Variants in KCNIP4 observed in about 807,000 individuals in gnomAD.
The protein encoded by KCNIP4 is Kv channel-interacting protein 4.
KCNIP4 carries 12 observed loss-of-function variants against 34.0 expected under a neutral mutation model. The observed-to-expected ratio is 0.35, with a 90% CI of 0.23 to 0.57. KCNIP4 has a LOEUF of 0.57. Ranked by LOEUF, KCNIP4 falls within the 20% of genes least tolerant of loss-of-function variation. The pLI is 0.83. For synonymous variants in KCNIP4, 124 were observed against 102.2 expected, an observed-to-expected ratio of 1.21 and a Z score of -1.29; for missense variants, 238 against 311.7, an observed-to-expected ratio of 0.76 and a Z score of 1.78.
intron 1 of KCNIP4, among the ~76,000 whole-genome samples, chr4:21,737,278 C>T (rs896985274): frequency 2.0e-5 from 3 of 152,062 alleles, no homozygotes; most frequent in African/African-American, 7.2e-5. Context: ...GAAATATAGT[C>T]ACTGTTTTTC....
At chr4:21,188,244 G>T (rs1577855935) in intron 1 of KCNIP4, among the ~76,000 whole-genome samples, 1 of 152,136 alleles carries the variant, frequency 6.6e-6, no homozygotes. Flanking sequence ...GGACAGTTTT[G>T]TGCTGGAGTG....
chr4:21,558,187 C>G (rs574048945), intron 1 of KCNIP4, among the ~76,000 whole-genome samples: 101 of 152,234 alleles, frequency 6.6e-4, no homozygotes, highest in African/African-American at 2.3e-3. Context: ...AGTATTATGC[C>G]TGTTACCTTA....
chr4:21,786,479 A>G (rs139145643), intron 1 of KCNIP4, among the ~76,000 whole-genome samples: 40 of 152,126 alleles, frequency 2.6e-4, no homozygotes, highest in Non-Finnish European at 4.7e-4. Context: ...GTTTGGTTCA[A>G]TTGGTGTAGC....
chr4:21,006,711 G>T (rs948044558), intron 1 of KCNIP4, among the ~76,000 whole-genome samples: 1 of 152,164 alleles, frequency 6.6e-6, no homozygotes, highest in Non-Finnish European at 1.5e-5. Flanking sequence ...ATAGGATTTT[G>T]CCCAGGACAT....
intron 1 of KCNIP4, among the ~76,000 whole-genome samples, chr4:21,689,428 G>A (rs958045157): frequency 2.6e-5 from 4 of 152,128 alleles, no homozygotes; most frequent in Non-Finnish European, 5.9e-5. Context: ...CGATGACCCA[G>A]CTTAGAGGGG....
chr4:21,676,223 A>G (rs140691543), intron 1 of KCNIP4, among the ~76,000 whole-genome samples: 162 of 152,296 alleles, frequency 1.1e-3, no homozygotes, highest in African/African-American at 3.7e-3. Flanking sequence ...GAGAACTTCT[A>G]AAGCCCCAAA....
At position 21,835,683 on chromosome 4, in the gene KCNIP4, C is replaced by G. The variant is rs115739717; in HGVS notation, c.61+112888G>C. ...ATTAAATTATCGGTATTTTCATACC[C>G]TATAGCCCAGAGTTCTTTTCTGAAG... is the stretch of plus-strand genomic sequence containing the variant. On this transcript the variant is annotated intron_variant, in intron 1 of 8. Coordinates refer to ENST00000382152, the MANE Select transcript of KCNIP4 (RefSeq NM_025221.6). Among the ~76,000 whole-genome samples the G allele has an allele frequency of 4.0e-3, 612 of 152,012 alleles. 4 individuals are homozygous for G. The highest frequency in any genetic ancestry group is 0.014 in the African/African-American group (582 of 41,452).
rs532074939 is a variant in KCNIP4 at position 21,680,851 on chromosome 4, G to A, written c.61+267720C>T. On this transcript the variant is annotated intron_variant, in intron 1 of 8. Transcript: ENST00000382152. ...ACAGACATGATGTCATCCAGGTTTG[G>A]TTGTTCCATTATTGAGCAGAGACAG... is the stretch of plus-strand genomic sequence containing the variant. Among the ~76,000 whole-genome samples, 6 of 152,246 alleles carry A rather than the reference G, an allele frequency of 3.9e-5. No individual in the cohort carries two copies. In the East Asian group the frequency reaches 1.2e-3, roughly 30 times the overall value.
At chr4:21,698,835 A>G (rs1195179008) in intron 1 of KCNIP4, among the ~76,000 whole-genome samples, 6 of 152,132 alleles carry the variant, frequency 3.9e-5, no homozygotes, top group Admixed American at 2.6e-4. Flanking sequence ...TTCTACACTA[A>G]AGAAAGAACT....
intron 3 of KCNIP4, among the ~76,000 whole-genome samples, chr4:20,763,618 G>A (rs535212952): frequency 1.3e-5 from 2 of 152,246 alleles, no homozygotes; most frequent in Non-Finnish European, 2.9e-5. Flanking sequence ...AGACAAGAAT[G>A]CAGATTTGTA....
rs114959665 is a variant in KCNIP4, at chr4:20,930,174, C to T, written c.62-47465G>A. 1.6e-3 allele frequency among the ~76,000 whole-genome samples: 247 copies of T among 151,990 alleles called. 4 individuals carry two copies. Among genetic ancestry groups the T allele is most frequent in the African/African-American group, 5.7e-3 (235 of 41,498 alleles). On this transcript the variant is annotated intron_variant, in intron 1 of 8. Coordinates refer to ENST00000382152, the MANE Select transcript of KCNIP4 (RefSeq NM_025221.6). ...AAACAGTATACAAATGGCATGAAAA[C>T]GAAAATGTGGACCAACGGAACAGAA...
intron 2 of KCNIP4, among the ~76,000 whole-genome samples, chr4:20,859,023 C>T (rs1721914767): frequency 6.6e-6 from 1 of 152,134 alleles, no homozygotes; most frequent in African/African-American, 2.4e-5. Context: ...TGTTCAAAAT[C>T]CTAGGGGATA....
intron 1 of KCNIP4, among the ~76,000 whole-genome samples, chr4:21,596,440 T>G (rs1742648421): frequency 6.6e-6 from 1 of 152,138 alleles, no homozygotes; most frequent in African/African-American, 2.4e-5. Context: ...CTGTTGCTTT[T>G]AGGAGTTGAT....
At chr4:21,633,020 A>G (rs911028277) in intron 1 of KCNIP4, among the ~76,000 whole-genome samples, 46 of 151,922 alleles carry the variant, frequency 3.0e-4, no homozygotes, top group African/African-American at 1.1e-3. Context: ...CTGATTTAAC[A>G]CTCTTCGGGT....
At chr4:21,135,915 A>G (rs553988370) in intron 1 of KCNIP4, among the ~76,000 whole-genome samples, 14 of 152,202 alleles carry the variant, frequency 9.2e-5, no homozygotes, top group Non-Finnish European at 2.1e-4. Context: ...AATATTCCCT[A>G]TGAAATGCTT....
At chr4:21,911,946 C>T (rs948036128) in intron 1 of KCNIP4, among the ~76,000 whole-genome samples, 5 of 152,066 alleles carry the variant, frequency 3.3e-5, no homozygotes, top group African/African-American at 7.2e-5. Flanking sequence ...ACTAATTCTA[C>T]AACATTTGCA....
chr4:20,774,189 C>T (rs1336633928), intron 3 of KCNIP4, among the ~76,000 whole-genome samples: 2 of 152,104 alleles, frequency 1.3e-5, no homozygotes, highest in Non-Finnish European at 2.9e-5. Flanking sequence ...ATTATTTCTA[C>T]AATGATGCTC....
At chr4:21,675,721 A>T (rs1230062763) in intron 1 of KCNIP4, among the ~76,000 whole-genome samples, 2 of 152,180 alleles carry the variant, frequency 1.3e-5, no homozygotes, top group East Asian at 3.8e-4. Context: ...AGAGAGTCAC[A>T]TGTTTTAGGG....
chr4:21,839,513 G>C (rs926701556), intron 1 of KCNIP4, among the ~76,000 whole-genome samples: 1 of 152,194 alleles, frequency 6.6e-6, no homozygotes, highest in African/African-American at 2.4e-5. Context: ...CAGCACTTTG[G>C]GAGGCCGAGG....
Sources: allele counts gnomAD v4.1 joint callset (sites outside exome capture counted in the v4.1 genomes callset), GRCh38; gene constraint gnomAD v4.1.1; transcripts MANE v1.5; gene names NCBI Gene and HGNC (gene_info 2026-07-23, HGNC 2026-07-21).